SMG6: variants seen among roughly 807,000 people sequenced by gnomAD.
SMG6 encodes SMG6 nonsense mediated mRNA decay factor, also known as telomerase-binding protein EST1A.
Under a neutral mutation model 142.2 loss-of-function variants are expected in SMG6, and 66 were observed. The ratio of observed to expected loss-of-function variants is 0.46; its 90% CI spans 0.38 to 0.57. SMG6 has a LOEUF of 0.57. SMG6 is among the 20% of genes least tolerant of loss of function. The pLI is 0.00. For missense variants in SMG6, 1,793 were observed against 1,832.0 expected, an observed-to-expected ratio of 0.98 and a Z score of 0.39; for synonymous variants, 779 against 702.4, an observed-to-expected ratio of 1.11 and a Z score of -1.72.
intron 6 of SMG6, among the ~76,000 whole-genome samples, chr17:2,287,894 G>A (rs1238155902): frequency 6.6e-6 from 1 of 152,168 alleles, no homozygotes; most frequent in Non-Finnish European, 1.5e-5. Context: ...GAGGTTGTGG[G>A]AAGAGAGAAG....
At position 2,165,416 on chromosome 17, in the gene SMG6, T is replaced by C. The variant is rs368581076; in HGVS notation, c.3357+7242A>G. ...ACCACTTGGTCCCCTTCCCACTCCC[T>C]TGAGGTTAATGACTTGCTAATATAG... is the stretch of plus-strand genomic sequence containing the variant. On this transcript the variant is annotated intron_variant, in intron 13 of 18. Transcript: ENST00000263073. 1.3e-3 allele frequency among the ~76,000 whole-genome samples: 199 copies of C among 152,360 alleles called. 9 individuals are homozygous for C. In the South Asian group the frequency reaches 0.04, roughly 30 times the overall value.
At chr17:2,087,602 C>CTGG in intron 13 of SMG6, 1 of 1,001,120 alleles carries the variant, frequency 1.0e-6, no homozygotes, top group Non-Finnish European at 1.2e-6. Flanking sequence ...CTTGGGGTGC[C>CTGG]TGGTCCTGGG....
intron 13 of SMG6, among the ~76,000 whole-genome samples, chr17:2,131,282 T>C (rs1017949460): frequency 3.3e-5 from 5 of 150,160 alleles, no homozygotes; most frequent in East Asian, 1.9e-4. Flanking sequence ...ATGGCCAATA[T>C]TGCACACTCA....
intron 13 of SMG6, among the ~76,000 whole-genome samples, chr17:2,128,102 G>A (rs2069961924): frequency 6.6e-6 from 1 of 152,194 alleles, no homozygotes; most frequent in African/African-American, 2.4e-5. Context: ...TAGGCACCAT[G>A]CTGAAGCATG....
At chr17:2,149,034 T>C in intron 13 of SMG6, among the ~76,000 whole-genome samples, 1 of 152,094 alleles carries the variant, frequency 6.6e-6, no homozygotes, top group East Asian at 1.9e-4. Context: ...TACTTAATGC[T>C]GTAGAACCGT....
chr17:2,168,254 C>T (rs1323194012), intron 13 of SMG6, among the ~76,000 whole-genome samples: 2 of 151,972 alleles, frequency 1.3e-5, no homozygotes, highest in Admixed American at 6.5e-5. Context: ...AGTACAGTGG[C>T]ACAATTTCAG....
chr17:2,258,554 C>T, intron 8 of SMG6, among the ~76,000 whole-genome samples: 1 of 118,036 alleles, frequency 8.5e-6, no homozygotes, highest in East Asian at 2.2e-4. Context: ...AAGACTCTGT[C>T]TCAAAAAAAA....
At chr17:2,288,667 C>T (rs1411764958) in intron 6 of SMG6, among the ~76,000 whole-genome samples, 1 of 150,506 alleles carries the variant, frequency 6.6e-6, no homozygotes, top group Non-Finnish European at 1.5e-5. Flanking sequence ...TGGTGGCTCA[C>T]ACCTGTATCC....
intron 6 of SMG6, among the ~76,000 whole-genome samples, chr17:2,285,884 G>C (rs773379422): frequency 1.3e-5 from 2 of 152,014 alleles, no homozygotes; most frequent in Non-Finnish European, 2.9e-5. Context: ...AAGTTAGCCA[G>C]GCTGGTCTGG....
At position 2,227,292 on chromosome 17, in the gene SMG6, T is replaced by C. The variant is rs546397284; in HGVS notation, c.2869+9200A>G. 7.9e-5 allele frequency among the ~76,000 whole-genome samples: 12 copies of C among 152,322 alleles called. No individual in the cohort carries two copies. In the South Asian group the frequency reaches 2.5e-3, roughly 32 times the overall value. Reference sequence around the variant, plus strand: ...CATATAAATGTTCATGGCAGCTTTATTCATACTAGTGAAAAACTAGAAACA... The same window carrying C: ...CATATAAATGTTCATGGCAGCTTTACTCATACTAGTGAAAAACTAGAAACA... On this transcript the variant is annotated intron_variant, in intron 10 of 18. Transcript: ENST00000263073.
intron 13 of SMG6, among the ~76,000 whole-genome samples, chr17:2,120,481 C>T (rs1482912557): frequency 1.3e-5 from 2 of 152,282 alleles, no homozygotes; most frequent in Admixed American, 6.5e-5. Context: ...GCACTTTGGA[C>T]GAGTGAGGCA....
intron 10 of SMG6, among the ~76,000 whole-genome samples, chr17:2,214,866 G>T (rs1453446955): frequency 6.6e-6 from 1 of 152,136 alleles, no homozygotes; most frequent in African/African-American, 2.4e-5. Flanking sequence ...ACACCATTTT[G>T]GGGGATGACC....
chr17:2,264,625 GACACAGTGACTCATAGCTAT>G (rs2151340879), intron 8 of SMG6, among the ~76,000 whole-genome samples: 1 of 152,286 alleles, frequency 6.6e-6, no homozygotes, highest in Admixed American at 6.5e-5. Flanking sequence ...TCCTAGGCTG[GACACAGTGACTCATAGCTAT>G]AATCTCAGCA....
intron 8 of SMG6, among the ~76,000 whole-genome samples, chr17:2,250,837 C>T (rs983993930): frequency 6.6e-5 from 10 of 152,108 alleles, no homozygotes; most frequent in African/African-American, 1.9e-4. Flanking sequence ...GCCCACTTAT[C>T]AGTCTCTCTC....
At chr17:2,293,314 A>G (rs1195629715) in intron 4 of SMG6, among the ~76,000 whole-genome samples, 2 of 152,202 alleles carry the variant, frequency 1.3e-5, no homozygotes, top group Non-Finnish European at 2.9e-5. Context: ...TTGGATCTCA[A>G]GGAAGTCTTT....
At chr17:2,130,315 G>A (rs1480810442) in intron 13 of SMG6, among the ~76,000 whole-genome samples, 1 of 145,410 alleles carries the variant, frequency 6.9e-6, no homozygotes, top group East Asian at 2.0e-4. Context: ...ACCATTAATA[G>A]TTAACTAGAA....
chr17:2,198,277 T>C (rs926891321), intron 10 of SMG6, among the ~76,000 whole-genome samples: 2 of 152,228 alleles, frequency 1.3e-5, no homozygotes, highest in African/African-American at 4.8e-5. Context: ...ATAATATTCT[T>C]GAAATAATAT....
In SMG6 at chr17:2,172,869, A is replaced by G. The variant is rs1252842520; in HGVS notation, c.3156-10T>C. On this transcript the variant is annotated splice_polypyrimidine_tract_variant and intron_variant, in intron 12 of 18. Transcript: ENST00000263073. Reference sequence around the variant, plus strand: ...TACATCCACAGCAACACTGTGAGAAATAAGGTAAGAAAAGAGCAGCTCTAA... The same window carrying G: ...TACATCCACAGCAACACTGTGAGAAGTAAGGTAAGAAAAGAGCAGCTCTAA... 1 of 1,613,640 alleles carries G rather than the reference A, an allele frequency of 6.2e-7. No homozygotes were observed. Among genetic ancestry groups the G allele is most frequent in the Non-Finnish European group, 8.5e-7 (1 of 1,179,648 alleles).
chr17:2,075,428 G>A (rs1252665168), intron 15 of SMG6, among the ~76,000 whole-genome samples: 2 of 152,206 alleles, frequency 1.3e-5, no homozygotes, highest in African/African-American at 2.4e-5. Context: ...GCCAGAGGAA[G>A]AGCCTGTTAT....
Sources: allele counts gnomAD v4.1 joint callset (sites outside exome capture counted in the v4.1 genomes callset), GRCh38; gene constraint gnomAD v4.1.1; transcripts MANE v1.5; gene names NCBI Gene and HGNC (gene_info 2026-07-23, HGNC 2026-07-21).